The following COL26A1 variants were observed in gnomAD, a reference collection of about 807,000 sequenced individuals.
COL26A1 encodes collagen type XXVI alpha 1 chain, also known as collagen alpha-1(XXVI) chain.
A neutral mutation model predicts 59.3 loss-of-function variants in COL26A1; 41 were observed. The observed-to-expected ratio is 0.69, with a 90% CI of 0.54 to 0.90. The LOEUF (loss-of-function observed/expected upper bound fraction) is 0.90. COL26A1 is among the 40% of genes least tolerant of loss of function. The pLI is 0.00. For synonymous variants in COL26A1, 266 were observed against 256.0 expected, an observed-to-expected ratio of 1.04 and a Z score of -0.37; for missense variants, 612 against 602.3, an observed-to-expected ratio of 1.02 and a Z score of -0.17.
chr7:101,420,994 C>T (rs1792506623), intron 2 of COL26A1, among the ~76,000 whole-genome samples: 1 of 152,136 alleles, frequency 6.6e-6, no homozygotes, highest in African/African-American at 2.4e-5. Context: ...GGGCCTCTAC[C>T]CCAAGCACCG....
rs186593798 is a variant in COL26A1, at chr7:101,414,599, G to A, written c.159-5378G>A. 1.9e-3 allele frequency among the ~76,000 whole-genome samples: 291 copies of A among 152,162 alleles called. 3 individuals carry two copies. The highest frequency in any genetic ancestry group is 8.2e-4 in the Non-Finnish European group (56 of 67,994). ...ATCACAGGCACCTGCCACCACACCC[G>A]GCTAATTTTTTATTTTTATTAGAGA... is the stretch of plus-strand genomic sequence containing the variant. On this transcript the variant is annotated intron_variant, in intron 1 of 12. Transcript: ENST00000313669.
chr7:101,436,139 A>T (rs1276071174), intron 2 of COL26A1, among the ~76,000 whole-genome samples: 1 of 151,778 alleles, frequency 6.6e-6, no homozygotes, highest in Admixed American at 6.6e-5. Context: ...GTGGACTGTG[A>T]CCCTGGGCCA....
chr7:101,428,390 T>A (rs1468478283), intron 2 of COL26A1, among the ~76,000 whole-genome samples: 1 of 151,650 alleles, frequency 6.6e-6, no homozygotes, highest in Non-Finnish European at 1.5e-5. Flanking sequence ...GAGAATGATA[T>A]TTATTTGAGA....
chr7:101,540,099 G>C (rs1354398730), intron 5 of COL26A1, 50 bp downstream of exon 5: 1 of 1,554,512 alleles, frequency 6.4e-7, no homozygotes, highest in Non-Finnish European at 8.7e-7. Context: ...AAGGGACCTT[G>C]GGCATGGCCT....
Position 101,362,996 on chromosome 7 carries a change from GCCCGGGACTCCGGGTC to G in COL26A1, c.-32_-17del. On this transcript the variant is annotated 5_prime_UTR_variant, in exon 1 of 13. Coordinates refer to ENST00000313669, the MANE Select transcript of COL26A1 (RefSeq NM_001278563.3). ...CCGGTGCGCTCCTGCCGGTCCTCGTGCCCGGGACTCCGGGTCCCCGCGGGCTGCTGCGCACGATGAA... is the reference window on the plus strand; with the variant it reads ...CCGGTGCGCTCCTGCCGGTCCTCGTGCCCGCGGGCTGCTGCGCACGATGAA... 1.3e-6 allele frequency: 2 copies of G among 1,548,546 alleles called. No homozygotes were observed. The highest frequency in any genetic ancestry group is 1.7e-6 in the Non-Finnish European group (2 of 1,156,962).
chr7:101,524,314 A>G (rs978522649), intron 3 of COL26A1, among the ~76,000 whole-genome samples: 13 of 152,076 alleles, frequency 8.5e-5, no homozygotes, highest in Non-Finnish European at 1.5e-4. Flanking sequence ...ATCGATGATT[A>G]ATCACCTGTA....
At chr7:101,483,918 C>T (rs1052643613) in intron 3 of COL26A1, among the ~76,000 whole-genome samples, 4 of 151,888 alleles carry the variant, frequency 2.6e-5, no homozygotes, top group Non-Finnish European at 4.4e-5. Flanking sequence ...TTGGGATCTG[C>T]CCACTTCGGC....
At chr7:101,488,948 T>C (rs538413186) in intron 3 of COL26A1, among the ~76,000 whole-genome samples, 1 of 152,304 alleles carries the variant, frequency 6.6e-6, no homozygotes. Context: ...AAGTTAATTG[T>C]GTCCGGTGGA....
chr7:101,374,822 A>C (rs1472005660), intron 1 of COL26A1, among the ~76,000 whole-genome samples: 1 of 152,122 alleles, frequency 6.6e-6, no homozygotes, highest in African/African-American at 2.4e-5. Context: ...TTGGGAGGCC[A>C]AGGCGGGCAG....
chr7:101,467,493 A>G (rs1183620977), intron 3 of COL26A1, among the ~76,000 whole-genome samples: 1 of 151,504 alleles, frequency 6.6e-6, no homozygotes, highest in Non-Finnish European at 1.5e-5. Flanking sequence ...TCCCACCCCA[A>G]TCTTTTATTG....
At position 101,366,246 on chromosome 7, in the gene COL26A1, C is replaced by T. The variant is rs377718370; in HGVS notation, c.158+3056C>T. Among the ~76,000 whole-genome samples the T allele has an allele frequency of 9.1e-3, 1,386 of 152,242 alleles. 22 individuals carry two copies. The highest frequency in any genetic ancestry group is 0.031 in the African/African-American group (1,300 of 41,548). ...AGTTACAGGCTGGAGCTGGCTTGGG[C>T]GTCACATGTTTCTGTGTCTCATGAG... On this transcript the variant is annotated intron_variant, in intron 1 of 12. Transcript: ENST00000313669.
intron 1 of COL26A1, among the ~76,000 whole-genome samples, chr7:101,407,605 GGA>G (rs1166401777): frequency 6.6e-6 from 1 of 151,826 alleles, no homozygotes; most frequent in Non-Finnish European, 1.5e-5. Flanking sequence ...GCAGACACAG[GGA>G]GAGTCCTCAG....
At chr7:101,497,651 C>G (rs6465812) in intron 3 of COL26A1, among the ~76,000 whole-genome samples, 42,221 of 151,522 alleles carry the variant, frequency 0.28, 8,286 homozygotes, top group African/African-American at 0.56. Flanking sequence ...ACCCCAGCCT[C>G]GGCAACAGAG....
intron 3 of COL26A1, among the ~76,000 whole-genome samples, chr7:101,454,104 G>A (rs1207272455): frequency 1.3e-5 from 2 of 152,034 alleles, no homozygotes; most frequent in African/African-American, 4.8e-5. Flanking sequence ...AACTTGCAGC[G>A]GTCATTCATG....
At chr7:101,387,756 A>T (rs865784724) in intron 1 of COL26A1, among the ~76,000 whole-genome samples, 15 of 60,762 alleles carry the variant, frequency 2.5e-4, no homozygotes, top group African/African-American at 7.4e-4. Flanking sequence ...ATATATATTT[A>T]TATATATATA....
intron 1 of COL26A1, among the ~76,000 whole-genome samples, chr7:101,396,126 G>A (rs1791849924): frequency 6.6e-6 from 1 of 152,066 alleles, no homozygotes; most frequent in Non-Finnish European, 1.5e-5. Context: ...GCCAGGTGTG[G>A]TGTGGTGGTG....
intron 3 of COL26A1, among the ~76,000 whole-genome samples, chr7:101,473,633 C>A (rs1258638278): frequency 6.7e-6 from 1 of 150,226 alleles, no homozygotes; most frequent in Non-Finnish European, 1.5e-5. Context: ...CACACACACA[C>A]ACACACACAC....
intron 2 of COL26A1, among the ~76,000 whole-genome samples, chr7:101,443,942 C>G (rs1793122842): frequency 6.7e-6 from 1 of 149,038 alleles, no homozygotes; most frequent in African/African-American, 2.5e-5. Context: ...TTCGATCATG[C>G]TCACTGTAGC....
At chr7:101,529,197 G>A (rs879618730) in intron 3 of COL26A1, among the ~76,000 whole-genome samples, 2 of 152,138 alleles carry the variant, frequency 1.3e-5, no homozygotes, top group Non-Finnish European at 2.9e-5. Context: ...AGATTCAGGG[G>A]GTTATATGTG....
Sources: gnomAD v4.1 joint callset for allele counts (sites outside exome capture counted in the v4.1 genomes callset) on GRCh38, gnomAD v4.1.1 for gene constraint, MANE v1.5 for transcripts, NCBI Gene and HGNC (gene_info 2026-07-23, HGNC 2026-07-21) for gene names.